Variants in PIK3C3 observed in about 807,000 individuals in gnomAD.
The protein encoded by PIK3C3 is phosphatidylinositol 3-kinase catalytic subunit type 3.
In PIK3C3, 95 loss-of-function variants were observed where a neutral mutation model predicts 126.1. The ratio of observed to expected loss-of-function variants is 0.75; its 90% confidence interval spans 0.64 to 0.89. The LOEUF is 0.89. PIK3C3 is among the 40% of genes least tolerant of loss of function. PIK3C3 has a pLI of 0.00. For missense variants in PIK3C3, 829 were observed against 1,063.2 expected (o/e 0.78, Z 3.06); for synonymous variants, 374 against 360.0 (o/e 1.04, Z -0.44).
chr18:42,007,878 G>A (rs1982626083), intron 10 of PIK3C3, among the ~76,000 whole-genome samples: 1 of 152,088 alleles, frequency 6.6e-6, no homozygotes, highest in African/African-American at 2.4e-5. Context: ...CTCATTGTGG[G>A]TACGCTTTTA....
intron 10 of PIK3C3, among the ~76,000 whole-genome samples, chr18:42,009,667 ATGTAATG>A (rs1471207780): frequency 8.0e-6 from 1 of 125,578 alleles, no homozygotes; most frequent in South Asian, 2.6e-4. Context: ...AATGTACATT[ATGTAATG>A]CTTACATTAT....
intron 22 of PIK3C3, among the ~76,000 whole-genome samples, chr18:42,058,322 G>A (rs1037418094): frequency 1.3e-5 from 2 of 152,138 alleles, no homozygotes; most frequent in African/African-American, 2.4e-5. Context: ...AGCAAACATG[G>A]AGGCTTCCAA....
At chr18:42,074,482 G>A (rs1430003895) in intron 24 of PIK3C3, among the ~76,000 whole-genome samples, 3 of 151,844 alleles carry the variant, frequency 2.0e-5, no homozygotes, top group Non-Finnish European at 4.4e-5. Context: ...CATGTAATTG[G>A]CTTTAATAAT....
chr18:41,959,652 G>A (rs935296481), intron 2 of PIK3C3, among the ~76,000 whole-genome samples: 9 of 152,066 alleles, frequency 5.9e-5, no homozygotes, highest in Non-Finnish European at 1.5e-5. Flanking sequence ...AAATTGCCTG[G>A]ACATGGTGGC....
intron 18 of PIK3C3, among the ~76,000 whole-genome samples, chr18:42,039,710 T>A (rs758250640): frequency 5.9e-5 from 9 of 152,222 alleles, no homozygotes; most frequent in Non-Finnish European, 1.2e-4. Flanking sequence ...TGTCCTTCGA[T>A]CCCTACTGTA....
At chr18:42,060,393 T>C (rs1273672438) in intron 22 of PIK3C3, among the ~76,000 whole-genome samples, 2 of 152,200 alleles carry the variant, frequency 1.3e-5, no homozygotes, top group Admixed American at 1.3e-4. Context: ...CCCACACTTA[T>C]GCCAAACACC....
At chr18:41,957,057 T>G (rs1247737003) in intron 1 of PIK3C3, among the ~76,000 whole-genome samples, 4 of 152,156 alleles carry the variant, frequency 2.6e-5, no homozygotes, top group Non-Finnish European at 5.9e-5. Context: ...AAGAGTAGAA[T>G]AAAAACATGC....
intron 20 of PIK3C3, 64 bp from the exon 21 acceptor site, chr18:42,049,466 AT>A: frequency 8.3e-7 from 1 of 1,198,014 alleles, no homozygotes; most frequent in Non-Finnish European, 1.2e-6. Context: ...CTGCTTTTAT[AT>A]TCAGTAGAAT....
intron 8 of PIK3C3, 43 bp downstream of exon 8, chr18:41,996,037 G>C: frequency 7.6e-7 from 1 of 1,307,734 alleles, no homozygotes; most frequent in Non-Finnish European, 1.1e-6. Flanking sequence ...AGTTAAATGG[G>C]TGTTCTGGTT....
intron 21 of PIK3C3, among the ~76,000 whole-genome samples, chr18:42,054,148 A>ATCTATC (rs1301627133): frequency 6.2e-4 from 12 of 19,264 alleles, no homozygotes; most frequent in African/African-American, 9.8e-4. Flanking sequence ...ATATATATAT[A>ATCTATC]TATATATATA....
At chr18:41,977,705 G>A (rs1004544942) in intron 4 of PIK3C3, among the ~76,000 whole-genome samples, 5 of 152,008 alleles carry the variant, frequency 3.3e-5, no homozygotes, top group African/African-American at 7.3e-5. Flanking sequence ...GGCAGGTCTC[G>A]AACTCCTAAC....
At position 42,082,619 on chromosome 18, in the gene PIK3C3, T is replaced by A. The variant is rs1278671523; in HGVS notation, c.*1482T>A. 2 of 152,206 alleles carry A rather than the reference T, an allele frequency of 1.3e-5. No homozygotes were observed. The highest frequency in any genetic ancestry group is 4.8e-5 in the African/African-American group (2 of 41,450). 9.4% of individuals were successfully genotyped at this position (152,206 alleles called of 1,614,324 possible). A position where few individuals can be genotyped will look rare whatever the true frequency, so the allele number is the denominator to read the frequency against. On this transcript the variant is annotated 3_prime_UTR_variant, in exon 25 of 25. Coordinates refer to ENST00000262039, the MANE Select transcript of PIK3C3 (RefSeq NM_002647.4). ...CCCTCTGTATGCTCATTCTTGTAGTTCTATTTCTATTGAAACTTCCTCCAA... is the reference window on the plus strand; with the variant it reads ...CCCTCTGTATGCTCATTCTTGTAGTACTATTTCTATTGAAACTTCCTCCAA...
At chr18:42,036,941 C>T (rs1339237272) in intron 16 of PIK3C3, among the ~76,000 whole-genome samples, 1 of 152,234 alleles carries the variant, frequency 6.6e-6, no homozygotes, top group Admixed American at 6.5e-5. Flanking sequence ...AGTCAAAACA[C>T]GGTCAGAACT....
At position 41,972,740 on chromosome 18, in the gene PIK3C3, A is replaced by C. The variant is rs73452235; in HGVS notation, c.531+2284A>C. Among the ~76,000 whole-genome samples the C allele has an allele frequency of 7.1e-3, 1,075 of 152,256 alleles. 6 individuals carry two copies. Among genetic ancestry groups the C allele is most frequent in the African/African-American group, 0.023 (936 of 41,580 alleles). On this transcript the variant is annotated intron_variant, in intron 4 of 24. Transcript: ENST00000262039. ...ATGTGTCCTGTTTGTAGCTTTGTTAAGGAATTGCTCCCTCTTTGAAGGAAG... is the reference window on the plus strand; with the variant it reads ...ATGTGTCCTGTTTGTAGCTTTGTTACGGAATTGCTCCCTCTTTGAAGGAAG...
intron 22 of PIK3C3, among the ~76,000 whole-genome samples, chr18:42,064,212 T>C (rs534293597): frequency 3.3e-5 from 5 of 152,302 alleles, no homozygotes; most frequent in East Asian, 3.9e-4. Context: ...TTCTTTCTTA[T>C]AGAATTACTT....
At chr18:41,979,874 C>CATTATTATTATTATTATT (rs60161824) in intron 4 of PIK3C3, among the ~76,000 whole-genome samples, 71 of 132,790 alleles carry the variant, frequency 5.3e-4, no homozygotes, top group African/African-American at 9.4e-4. Context: ...GGAATCATGC[C>CATTATTATTATTATTATT]ATTATTATTA....
At position 42,064,830 on chromosome 18, in the gene PIK3C3, G is replaced by A. The variant is rs1985468293; in HGVS notation, c.2523G>A (p.Lys841=). The A allele has an allele frequency of 6.5e-7, 1 of 1,527,974 alleles. No individual in the cohort carries two copies. Among genetic ancestry groups the A allele is most frequent in the South Asian group, 1.1e-5 (1 of 88,840 alleles). The allele number at this position is 1,527,974 out of a possible 1,614,324, so 94.7% of individuals were successfully genotyped here. ...TTGAACCAGATAAAACTGTGAAAAA[G>A]GTAATTTTTAAGTAACATAAATGAA... ...IALEPDKTVK[K]VQDKFRLDLS... Residue 841 remains lysine, a splice_region_variant and synonymous_variant, in exon 23 of 25, where the codon AAG becomes AAA. Transcript: ENST00000262039.
intron 4 of PIK3C3, among the ~76,000 whole-genome samples, chr18:41,974,264 A>G (rs1251804551): frequency 6.6e-6 from 1 of 152,162 alleles, no homozygotes; most frequent in Non-Finnish European, 1.5e-5. Context: ...TTGCTCACCT[A>G]TTACAGTTGA....
intron 24 of PIK3C3, among the ~76,000 whole-genome samples, chr18:42,074,815 G>A (rs1001346758): frequency 2.0e-5 from 3 of 151,772 alleles, no homozygotes; most frequent in African/African-American, 7.3e-5. Flanking sequence ...ACTGAATTCC[G>A]TTTTGCAAAT....
Sources: gnomAD v4.1 joint callset for allele counts (sites outside exome capture counted in the v4.1 genomes callset) on GRCh38, gnomAD v4.1.1 for gene constraint, MANE v1.5 for transcripts, NCBI Gene and HGNC (gene_info 2026-07-23, HGNC 2026-07-21) for gene names.